Variants in PAIP2 observed in about 807,000 individuals in gnomAD.
The protein encoded by PAIP2 is poly(A) binding protein interacting protein 2, also known as polyadenylate-binding protein-interacting protein 2.
PAIP2 carries 7 observed loss-of-function variants against 14.8 expected under a neutral mutation model. That is an observed-to-expected ratio of 0.47 (90% CI 0.27 to 0.89). The LOEUF is 0.89. Ranked by LOEUF, PAIP2 falls within the 40% of genes least tolerant of loss-of-function variation. PAIP2 has a pLI of 0.13. For missense variants in PAIP2, 122 were observed against 154.7 expected, an observed-to-expected ratio of 0.79 and a Z score of 1.12; for synonymous variants, 47 against 45.3, an observed-to-expected ratio of 1.04 and a Z score of -0.15.
At chr5:139,359,698 G>T in intron 1 of PAIP2, among the ~76,000 whole-genome samples, 1 of 151,644 alleles carries the variant, frequency 6.6e-6, no homozygotes, top group Non-Finnish European at 1.5e-5. Flanking sequence ...GGCCGGACAC[G>T]GTGGCTCATG....
chr5:139,364,714 A>C lies in PAIP2; in HGVS notation c.289A>C (p.Ser97Arg), dbSNP rs1757164367. 1 of 1,610,524 alleles carries C rather than the reference A, an allele frequency of 6.2e-7. No individual in the cohort carries two copies. Among genetic ancestry groups the C allele is most frequent in the East Asian group, 2.2e-5 (1 of 44,830 alleles). The change falls in exon 3 of 4, where the codon AGT becomes CGT. Residue 97 changes from serine (S) to arginine (R), a missense_variant. Physicochemically the swap from Ser to Arg is moderately radical, Grantham distance 110. This residue lies in a region of PAIP2 where 46 missense variants were observed against 44.0 expected (regional missense o/e 1.05). Coordinates refer to ENST00000265192, the MANE Select transcript of PAIP2 (RefSeq NM_016480.5). ...AGACCAGTTTAATGACCTTGTTATC[A>C]GTGATGGCTCTTCTCTGGAAGATCT... ...IQDQFNDLVI[S>R]DGSSLEDLVV...
At chr5:139,352,832 T>C (rs1464293104) in intron 1 of PAIP2, among the ~76,000 whole-genome samples, 2 of 151,094 alleles carry the variant, frequency 1.3e-5, no homozygotes, top group African/African-American at 4.9e-5. Context: ...TAGTAACAGA[T>C]GAGGCTGGGT....
At chr5:139,345,508 A>T (rs1003417313) in intron 1 of PAIP2, among the ~76,000 whole-genome samples, 1 of 152,224 alleles carries the variant, frequency 6.6e-6, no homozygotes, top group Non-Finnish European at 1.5e-5. Context: ...AAATACGATT[A>T]AAAAATATGC....
chr5:139,345,478 C>T (rs940314671), intron 1 of PAIP2, among the ~76,000 whole-genome samples: 2 of 152,070 alleles, frequency 1.3e-5, no homozygotes, highest in African/African-American at 4.8e-5. Context: ...AGGAAGTATG[C>T]TTAAACGTAT....
chr5:139,366,458 CT>C (rs2152056538), intron 3 of PAIP2, among the ~76,000 whole-genome samples: 1 of 152,276 alleles, frequency 6.6e-6, no homozygotes, highest in Admixed American at 6.5e-5. Flanking sequence ...AACCATTCTT[CT>C]AAAGGATGGT....
At chr5:139,350,719 AAAAG>A (rs1202035694) in intron 1 of PAIP2, among the ~76,000 whole-genome samples, 2 of 152,088 alleles carry the variant, frequency 1.3e-5, no homozygotes, top group African/African-American at 2.4e-5. Flanking sequence ...TAAGCAAAAA[AAAAG>A]AAGAAAAAAA....
intron 1 of PAIP2, among the ~76,000 whole-genome samples, chr5:139,352,514 T>TTTTTTTTTTTTTA (rs1756776233): frequency 6.7e-6 from 1 of 148,918 alleles, no homozygotes; most frequent in African/African-American, 2.5e-5. Flanking sequence ...TTTTTTTTTT[T>TTTTTTTTTTTTTA]GAGATGGAGT....
chr5:139,347,818 C>A (rs1483437501), intron 1 of PAIP2, among the ~76,000 whole-genome samples: 1 of 151,494 alleles, frequency 6.6e-6, no homozygotes, highest in Non-Finnish European at 1.5e-5. Context: ...AATGATAAAT[C>A]CTCAGGTAGC....
chr5:139,347,241 A>G (rs1756578804), intron 1 of PAIP2, among the ~76,000 whole-genome samples: 1 of 142,122 alleles, frequency 7.0e-6, no homozygotes, highest in African/African-American at 2.6e-5. Flanking sequence ...TTTTTAGCAC[A>G]TTTACATGGA....
At chr5:139,352,499 G>GTTTTTTTTTTTTTTTTTTTTTTTTTT (rs1561959065) in intron 1 of PAIP2, among the ~76,000 whole-genome samples, 1 of 128,962 alleles carries the variant, frequency 7.8e-6, no homozygotes, top group Non-Finnish European at 1.6e-5. Flanking sequence ...TTTTTTTTTT[G>GTTTTTTTTTTTTTTTTTTTTTTTTTT]TTGTTTTTTT....
chr5:139,365,302 G>C (rs1024413882), intron 3 of PAIP2, among the ~76,000 whole-genome samples: 1 of 151,746 alleles, frequency 6.6e-6, no homozygotes, highest in East Asian at 1.9e-4. Flanking sequence ...CCTGGCCAAC[G>C]TGGTGAAACC....
At position 139,369,457 on chromosome 5, in the gene PAIP2, A is replaced by G. The variant is rs913301269; in HGVS notation, c.*659A>G. On this transcript the variant is annotated 3_prime_UTR_variant, in exon 4 of 4. Coordinates refer to ENST00000265192, the MANE Select transcript of PAIP2 (RefSeq NM_016480.5). ...ATGCCTGTATGGAGTCTAACATATG[A>G]CCAATACCAACCCATAATCCAGCTG... 7 of 151,724 alleles carry G rather than the reference A, an allele frequency of 4.6e-5. No individual in the cohort carries two copies. The highest frequency in any genetic ancestry group is 1.7e-4 in the African/African-American group (7 of 41,086). The allele number at this position is 151,724 out of a possible 1,614,324, so 9.4% of individuals were successfully genotyped here. A position where few individuals can be genotyped will look rare whatever the true frequency, so the allele number is the denominator to read the frequency against.
chr5:139,346,821 A>C (rs1172640836), intron 1 of PAIP2, among the ~76,000 whole-genome samples: 4 of 150,546 alleles, frequency 2.7e-5, no homozygotes, highest in Non-Finnish European at 5.9e-5. Flanking sequence ...CGCCCAGCTT[A>C]TTTTTATTTT....
intron 1 of PAIP2, among the ~76,000 whole-genome samples, chr5:139,350,634 A>T (rs562703806): frequency 1.6e-4 from 23 of 144,888 alleles, no homozygotes; most frequent in East Asian, 3.9e-4. Context: ...CTGTCTCAAA[A>T]AAATAAATAA....
intron 1 of PAIP2, chr5:139,342,529 A>G (rs1303543714): frequency 6.6e-6 from 1 of 152,146 alleles, no homozygotes; most frequent in Admixed American, 6.5e-5. Flanking sequence ...CCTGATCAGA[A>G]GATCGTCTTT....
chr5:139,368,901 T>TA lies in PAIP2; in HGVS notation c.*104dup. 4.9e-6 allele frequency: 4 copies of TA among 823,930 alleles called. No homozygotes were observed. The South Asian group carries it at 6.5e-5, about 13-fold the overall frequency. The allele number at this position is 823,930 out of a possible 1,614,324, so 51.0% of individuals were successfully genotyped here. ...AGCTCTCTTGTCACTGTGTTACACT[T>TA]ATGCATTGCCAAAGTTTTTGTTAGT... On this transcript the variant is annotated 3_prime_UTR_variant, in exon 4 of 4. Transcript: ENST00000265192.
At chr5:139,353,702 T>TTA (rs1334312690) in intron 1 of PAIP2, among the ~76,000 whole-genome samples, 1 of 150,750 alleles carries the variant, frequency 6.6e-6, no homozygotes, top group Non-Finnish European at 1.5e-5. Context: ...TTTATAATTC[T>TTA]TATATTATGC....
intron 1 of PAIP2, among the ~76,000 whole-genome samples, chr5:139,358,451 T>C (rs572874407): frequency 1.4e-4 from 22 of 152,212 alleles, no homozygotes; most frequent in African/African-American, 5.3e-4. Context: ...CTACCTTTTT[T>C]ACTCATTTTT....
chr5:139,362,951 T>C (rs1757115392), intron 1 of PAIP2, among the ~76,000 whole-genome samples: 1 of 152,032 alleles, frequency 6.6e-6, no homozygotes, highest in African/African-American at 2.4e-5. Flanking sequence ...TCGGAAAACA[T>C]TAGATGTGGC....
Sources: allele counts gnomAD v4.1 joint callset (sites outside exome capture counted in the v4.1 genomes callset), GRCh38; gene constraint gnomAD v4.1.1; regional missense constraint gnomAD v4.1.1; transcripts MANE v1.5; gene names NCBI Gene and HGNC (gene_info 2026-07-23, HGNC 2026-07-21).